SEMA5B: variants seen among roughly 807,000 people sequenced by gnomAD.
SEMA5B encodes semaphorin 5B.
A neutral mutation model predicts 135.0 loss-of-function variants in SEMA5B; 66 were observed. The observed-to-expected ratio is 0.49, with a 90% CI of 0.40 to 0.60. SEMA5B has a LOEUF of 0.60. SEMA5B is among the 20% of genes least tolerant of loss of function. The pLI is 0.00. For missense variants in SEMA5B, 1,501 were observed against 1,566.3 expected, an observed-to-expected ratio of 0.96 and a Z score of 0.70; for synonymous variants, 690 against 639.5, an observed-to-expected ratio of 1.08 and a Z score of -1.19.
chr3:122,932,332 C>T (rs911557788), intron 5 of SEMA5B, among the ~76,000 whole-genome samples: 8 of 144,388 alleles, frequency 5.5e-5, no homozygotes, highest in East Asian at 2.1e-4. Context: ...TGGCTCACTG[C>T]GGCCTCAACC....
intron 1 of SEMA5B, among the ~76,000 whole-genome samples, chr3:123,010,719 A>C (rs1942419302): frequency 6.9e-6 from 1 of 145,956 alleles, no homozygotes; most frequent in Admixed American, 7.1e-5. Context: ...CTGAGGCAGG[A>C]GGATCACTTG....
chr3:122,959,255 A>G (rs1174452515), intron 2 of SEMA5B, among the ~76,000 whole-genome samples: 1 of 152,182 alleles, frequency 6.6e-6, no homozygotes, highest in Non-Finnish European at 1.5e-5. Context: ...AATCGTCGCC[A>G]TTTCGTGGAT....
chr3:122,980,791 C>T (rs1941499925), intron 1 of SEMA5B, among the ~76,000 whole-genome samples: 2 of 152,216 alleles, frequency 1.3e-5, no homozygotes, highest in Admixed American at 1.3e-4. Flanking sequence ...CCTGCTGAAA[C>T]TCTACCCATT....
chr3:122,976,022 G>T (rs1449330110), intron 1 of SEMA5B: 1 of 1,534,642 alleles, frequency 6.5e-7, no homozygotes, highest in Non-Finnish European at 8.7e-7. Context: ...GCTTCTGCTT[G>T]CCCGTCCCTG....
At chr3:123,000,186 C>G (rs1576401450) in intron 1 of SEMA5B, among the ~76,000 whole-genome samples, 1 of 152,140 alleles carries the variant, frequency 6.6e-6, no homozygotes, top group East Asian at 1.9e-4. Context: ...CTATCCTGGG[C>G]AACAGAGTAA....
intron 1 of SEMA5B, among the ~76,000 whole-genome samples, chr3:123,009,445 C>G (rs1942387296): frequency 1.3e-5 from 2 of 152,072 alleles, no homozygotes; most frequent in Admixed American, 6.5e-5. Flanking sequence ...AATGTGTTCC[C>G]CCAAGCCTTG....
intron 1 of SEMA5B, among the ~76,000 whole-genome samples, chr3:122,996,776 T>C (rs1459492345): frequency 6.6e-6 from 1 of 152,190 alleles, no homozygotes; most frequent in African/African-American, 2.4e-5. Context: ...TGCCCTGTCC[T>C]TGCCCTGGGC....
At chr3:122,920,544 T>C (rs773524895) in intron 12 of SEMA5B, among the ~76,000 whole-genome samples, 2 of 152,200 alleles carry the variant, frequency 1.3e-5, no homozygotes, top group Non-Finnish European at 2.9e-5. Flanking sequence ...CAGCTACCTC[T>C]TGTGATTTGC....
At chr3:122,976,214 G>C in intron 1 of SEMA5B, 1 of 1,450,808 alleles carries the variant, frequency 6.9e-7, no homozygotes, top group East Asian at 2.5e-5. Context: ...AGGACCAGCA[G>C]CATCTGCACC....
chr3:122,963,523 G>GA (rs1940684569), intron 1 of SEMA5B, among the ~76,000 whole-genome samples: 1 of 151,500 alleles, frequency 6.6e-6, no homozygotes, highest in African/African-American at 2.4e-5. Context: ...AAAAGAAAAA[G>GA]AAAAGAAAAA....
At chr3:122,925,120 AGCTAGCCTG>A (rs1938558021) in intron 9 of SEMA5B, among the ~76,000 whole-genome samples, 1 of 152,078 alleles carries the variant, frequency 6.6e-6, no homozygotes, top group South Asian at 2.1e-4. Flanking sequence ...TCTTTCCTAT[AGCTAGCCTG>A]GCCCTCATCC....
intron 10 of SEMA5B, among the ~76,000 whole-genome samples, chr3:122,923,263 C>T (rs1330065054): frequency 2.6e-5 from 4 of 152,238 alleles, no homozygotes; most frequent in African/African-American, 2.4e-5. Flanking sequence ...GAACACACTG[C>T]GAGAAAGCTC....
Position 122,961,310 on chromosome 3 carries a change from G to A in SEMA5B, c.-38-9C>T. ...CCAGCTGGAACCACTCACTGAAGGG[G>A]GAGAATTTTGGGTAAGTCATGGATA... On this transcript the variant is annotated splice_polypyrimidine_tract_variant and intron_variant, in intron 1 of 22. Transcript: ENST00000357599. 4 of 1,612,052 alleles carry A rather than the reference G, an allele frequency of 2.5e-6. No homozygotes were observed. Among genetic ancestry groups the A allele is most frequent in the Non-Finnish European group, 3.4e-6 (4 of 1,178,828 alleles).
rs777258995 is a variant in SEMA5B at position 122,922,004 on chromosome 3, G to C, written c.1599C>G (p.Ile533Met). The C allele has an allele frequency of 6.7e-5, 103 of 1,530,678 alleles. No homozygotes were observed. The highest frequency in any genetic ancestry group is 5.7e-5 in the Non-Finnish European group (65 of 1,141,624). 94.8% of individuals were successfully genotyped at this position (1,530,678 alleles called of 1,614,324 possible). ...CGAAGAGCGCGCGGGCGCTGTGCAG[G>C]ATGCGCAGGCTGCGCAGGGGCTCGC... ...GRREPLRSLR[I>M]LHSARALFVG... The change falls in exon 12 of 23, where the codon ATC becomes ATG. Residue 533 changes from isoleucine to methionine, a missense_variant. By Grantham distance (10) the Ile-to-Met change is conservative (BLOSUM62 1). This residue lies in a region of SEMA5B where 927 missense variants were observed against 881.6 expected (regional missense o/e 1.05). Coordinates refer to ENST00000357599, the MANE Select transcript of SEMA5B (RefSeq NM_001031702.4).
rs116976260 is a variant in SEMA5B, at chr3:122,960,765, G to C, written c.124+375C>G. Reference sequence around the variant, plus strand: ...TGATTCCATTTATATGAGGTACCTAGAGTAGTCAAATCCATGGAGACAGAA... The same window carrying C: ...TGATTCCATTTATATGAGGTACCTACAGTAGTCAAATCCATGGAGACAGAA... On this transcript the variant is annotated intron_variant, in intron 2 of 22. Coordinates refer to ENST00000357599, the MANE Select transcript of SEMA5B (RefSeq NM_001031702.4). 2.2e-3 allele frequency among the ~76,000 whole-genome samples: 332 copies of C among 152,334 alleles called. 11 individuals carry two copies. The East Asian group carries it at 0.052, about 24-fold the overall frequency.
intron 1 of SEMA5B, among the ~76,000 whole-genome samples, chr3:122,973,791 G>A (rs1941214308): frequency 6.6e-6 from 1 of 152,142 alleles, no homozygotes; most frequent in South Asian, 2.1e-4. Flanking sequence ...CCAGGACAGA[G>A]GGGCAGAGGT....
rs1940709302 is a variant in SEMA5B, at chr3:122,964,052, C to T, written c.-38-2751G>A. Among the ~76,000 whole-genome samples, 4 of 152,178 alleles carry T rather than the reference C, an allele frequency of 2.6e-5. No individual in the cohort carries two copies. In the South Asian group the frequency reaches 8.3e-4, roughly 32 times the overall value. On this transcript the variant is annotated intron_variant, in intron 1 of 22. Transcript: ENST00000357599. ...TCTTCCGGACTCCAGACCACCAGGC[C>T]GCCTCTGTCTCCATGTCATCCAGGC...
intron 1 of SEMA5B, among the ~76,000 whole-genome samples, chr3:122,989,697 T>C (rs1220718274): frequency 6.6e-5 from 10 of 151,918 alleles, no homozygotes; most frequent in African/African-American, 2.4e-4. Context: ...ACCCTAGAGG[T>C]TGGAAAGGTG....
chr3:122,984,999 AT>A (rs1941651279), intron 1 of SEMA5B, among the ~76,000 whole-genome samples: 1 of 152,168 alleles, frequency 6.6e-6, no homozygotes, highest in Non-Finnish European at 1.5e-5. Flanking sequence ...AGGATAGGGT[AT>A]TTTTATGTTC....
Sources: allele counts gnomAD v4.1 joint callset (sites outside exome capture counted in the v4.1 genomes callset), GRCh38; gene constraint gnomAD v4.1.1; regional missense constraint gnomAD v4.1.1; transcripts MANE v1.5; gene names NCBI Gene and HGNC (gene_info 2026-07-23, HGNC 2026-07-21).